The following SLC6A19 variants were observed in gnomAD, a reference collection of about 807,000 sequenced individuals.
SLC6A19 encodes sodium-dependent neutral amino acid transporter B(0)AT1.
Under a neutral mutation model 68.3 loss-of-function variants are expected in SLC6A19, and 67 were observed. The observed-to-expected ratio is 0.98, with a 90% confidence interval of 0.81 to 1.20. SLC6A19 has a LOEUF of 1.20. SLC6A19 is among the 50% of genes most tolerant of loss of function. The pLI is 0.00. For synonymous variants in SLC6A19, 392 were observed against 374.9 expected, an observed-to-expected ratio of 1.05 and a Z score of -0.53; for missense variants, 813 against 851.6, an observed-to-expected ratio of 0.95 and a Z score of 0.56.
chr5:1,201,682 T>G lies in SLC6A19; in HGVS notation c.32T>G (p.Leu11Arg). 6.2e-7 allele frequency: 1 copy of G among 1,609,716 alleles called. No individual in the cohort carries two copies. The highest frequency in any genetic ancestry group is 8.5e-7 in the Non-Finnish European group (1 of 1,179,730). ...AGGCTCGTGCTGCCCAACCCCGGCC[T>G]AGACGCCCGGATCCCGTCCCTGGCT... is the stretch of plus-strand genomic sequence containing the variant. MVRLVLPNPGLDARIPSLAEL... is the reference protein window; with the variant it reads MVRLVLPNPGRDARIPSLAEL... Residue 11 changes from leucine (L) to arginine (R), a missense_variant, in exon 1 of 12, where the codon CTA (leucine) becomes CGA (arginine). Transcript: ENST00000304460.
In SLC6A19 at chr5:1,212,196, T is replaced by C; in HGVS notation, c.482-107T>C. ...TGTGCACGTGTGGGCGTGTCACTGG[T>C]GTCAAGGCCTCTGGAACGTGGCTGG... On this transcript the variant is annotated intron_variant, in intron 3 of 11. Coordinates refer to ENST00000304460, the MANE Select transcript of SLC6A19 (RefSeq NM_001003841.3). This position sits in a 1 kb window ranked among gnomAD's most constrained non-coding sequence, Gnocchi z 5.1. The C allele has an allele frequency of 7.3e-7, 1 of 1,378,062 alleles. No homozygotes were observed. Among genetic ancestry groups the C allele is most frequent in the South Asian group, 1.2e-5 (1 of 84,692 alleles). 85.4% of individuals were successfully genotyped at this position (1,378,062 alleles called of 1,614,324 possible). A position where few individuals can be genotyped will look rare whatever the true frequency, so the allele number is the denominator to read the frequency against.
intron 1 of SLC6A19, among the ~76,000 whole-genome samples, chr5:1,202,716 C>T (rs566676301): frequency 1.4e-4 from 21 of 152,282 alleles, no homozygotes; most frequent in East Asian, 1.9e-4. Context: ...TCTCAGCCTC[C>T]GTTTAGAGGA....
intron 9 of SLC6A19, 35 bp downstream of exon 9, chr5:1,219,142 T>G: frequency 6.3e-7 from 1 of 1,579,278 alleles, no homozygotes; most frequent in Non-Finnish European, 8.6e-7. Flanking sequence ...CCCATGGCAA[T>G]GGTGCCACCT....
At position 1,221,711 on chromosome 5, in the gene SLC6A19, C is replaced by G; in HGVS notation, c.1712C>G (p.Pro571Arg). ...GGGCTCTCTCCCCAGGAGGAATTTC[C>G]CAAATCCCAGAAGATCTCCTACCCG... ...SIWDPGYEEF[P>R]KSQKISYPNW... is the part of the protein sequence containing the mutation. Residue 571 changes from proline to arginine, a missense_variant, in exon 12 of 12, where the codon CCC becomes CGC. By Grantham distance (103) the Pro-to-Arg change is moderately radical. Coordinates refer to ENST00000304460, the MANE Select transcript of SLC6A19 (RefSeq NM_001003841.3). The G allele has an allele frequency of 6.2e-7, 1 of 1,614,000 alleles. No homozygotes were observed. The highest frequency in any genetic ancestry group is 8.5e-7 in the Non-Finnish European group (1 of 1,179,894).
At position 1,216,800 on chromosome 5, in the gene SLC6A19, C is replaced by T. The variant is rs201511165; in HGVS notation, c.1028C>T (p.Thr343Ile). Residue 343 changes from threonine to isoleucine, a missense_variant, in exon 8 of 12, where the codon ACC (threonine) becomes ATC (isoleucine). Transcript: ENST00000304460. ...YDDCFSTNIL[T>I]LINGFDLPEG... The stretch of plus-strand genomic sequence containing the variant: ...AATCTGACCCGCAGGAACATCCTGA[C>T]CCTCATCAACGGGTTCGACCTGCCT... The T allele has an allele frequency of 1.3e-5, 21 of 1,613,790 alleles. No homozygotes were observed. The highest frequency in any genetic ancestry group is 1.8e-5 in the Non-Finnish European group (21 of 1,180,036).
At position 1,222,310 on chromosome 5, in the gene SLC6A19, T is replaced by C. The variant is rs1175148060; in HGVS notation, c.*406T>C. 6 of 537,310 alleles carry C rather than the reference T, an allele frequency of 1.1e-5. No individual in the cohort carries two copies. The highest frequency in any genetic ancestry group is 2.0e-5 in the Non-Finnish European group (6 of 306,170). The allele number at this position is 537,310 out of a possible 1,614,324, so 33.3% of individuals were successfully genotyped here. ...TATATAGACATACATGCCTATGTTG[T>C]GTGTGGTGTGCATATGTGTGAACAC... On this transcript the variant is annotated 3_prime_UTR_variant, in exon 12 of 12. Transcript: ENST00000304460.
rs1333568245 is a variant in SLC6A19, at chr5:1,222,599, GC to G, written c.*696del. On this transcript the variant is annotated 3_prime_UTR_variant, in exon 12 of 12. Coordinates refer to ENST00000304460, the MANE Select transcript of SLC6A19 (RefSeq NM_001003841.3). Reference sequence around the variant, plus strand: ...GTTTGTGTATATGTGTGTGATGTGTGCTCGTGTGTGTGCATATTCAGGCAGG... The same window carrying G: ...GTTTGTGTATATGTGTGTGATGTGTGTCGTGTGTGTGCATATTCAGGCAGG... 1 of 317,916 alleles carries G rather than the reference GC, an allele frequency of 3.1e-6. No homozygotes were observed. The highest frequency in any genetic ancestry group is 2.1e-5 in the African/African-American group (1 of 46,754). The allele number at this position is 317,916 out of a possible 1,614,324, so 19.7% of individuals were successfully genotyped here.
rs1279128655 is a variant in SLC6A19, at chr5:1,214,342, T to G, written c.887+277T>G. Among the ~76,000 whole-genome samples the G allele has an allele frequency of 4.6e-5, 7 of 152,116 alleles. No individual in the cohort carries two copies. Among genetic ancestry groups the G allele is most frequent in the Admixed American group, 3.3e-4 (5 of 15,284 alleles). On this transcript the variant is annotated intron_variant, in intron 6 of 11. Coordinates refer to ENST00000304460, the MANE Select transcript of SLC6A19 (RefSeq NM_001003841.3). This position sits in a 1 kb window ranked among gnomAD's most constrained non-coding sequence, Gnocchi z 7.4. ...ACGAGCCTGGTGCAGACCCCTCCTG[T>G]GCTCTCCCCAGTTCCCTGCTCCACA...
At chr5:1,216,064 GGGTCAGGGA>G (rs919993986) in intron 6 of SLC6A19, among the ~76,000 whole-genome samples, 2 of 152,184 alleles carry the variant, frequency 1.3e-5, no homozygotes, top group African/African-American at 4.8e-5. Context: ...TGGCTGGGTT[GGGTCAGGGA>G]GGTCAGGGCT....
chr5:1,217,545 G>A (rs897182723), intron 8 of SLC6A19, among the ~76,000 whole-genome samples: 13 of 152,232 alleles, frequency 8.5e-5, no homozygotes, highest in African/African-American at 2.4e-4. Context: ...AGGGCCCAGT[G>A]CTGCTTCTCC....
Position 1,209,019 on chromosome 5 carries a change from C to G in SLC6A19, c.343+133C>G. The G allele has an allele frequency of 8.1e-7, 1 of 1,240,498 alleles. No individual in the cohort carries two copies. The allele number at this position is 1,240,498 out of a possible 1,614,324, so 76.8% of individuals were successfully genotyped here. A position where few individuals can be genotyped will look rare whatever the true frequency, so the allele number is the denominator to read the frequency against. On this transcript the variant is annotated intron_variant, in intron 2 of 11. Coordinates refer to ENST00000304460, the MANE Select transcript of SLC6A19 (RefSeq NM_001003841.3). This position sits in a 1 kb window ranked among gnomAD's most constrained non-coding sequence, Gnocchi z 5.5. ...CCTTCCCTGTCTGTTTCTGGTGCAACAAAGGTCCCAGCTTCATCTCCTGGA... is the reference window on the plus strand; with the variant it reads ...CCTTCCCTGTCTGTTTCTGGTGCAAGAAAGGTCCCAGCTTCATCTCCTGGA...
Position 1,224,180 on chromosome 5 carries a change from G to A in SLC6A19, c.*2276G>A, listed in dbSNP as rs1746480050. On this transcript the variant is annotated 3_prime_UTR_variant, in exon 12 of 12. Transcript: ENST00000304460. ...CATTGGTGTACCCTGGCATGCACAG[G>A]TGTGCACTGATGTGCCCTGGCATCC... 1 of 152,280 alleles carries A rather than the reference G, an allele frequency of 6.6e-6. No individual in the cohort carries two copies. The highest frequency in any genetic ancestry group is 2.1e-4 in the South Asian group (1 of 4,834). The allele number at this position is 152,280 out of a possible 1,614,324, so 9.4% of individuals were successfully genotyped here.
In SLC6A19 at chr5:1,203,863, G is replaced by A. The variant is rs559799436; in HGVS notation, c.202+2011G>A. On this transcript the variant is annotated intron_variant, in intron 1 of 11. Transcript: ENST00000304460. The stretch of plus-strand genomic sequence containing the variant: ...CACCGGGTTTCCCAGCAGGGCACCC[G>A]TCTCCTGGTGAATCCAATCTGGGCC... Among the ~76,000 whole-genome samples the A allele has an allele frequency of 9.2e-5, 14 of 152,290 alleles. No individual in the cohort carries two copies. The South Asian group carries it at 1.2e-3, about 14-fold the overall frequency.
chr5:1,221,165 T>C lies in SLC6A19; in HGVS notation c.1553T>C (p.Ile518Thr), dbSNP rs1238368821. Residue 518 changes from isoleucine to threonine, a missense_variant, in exon 11 of 12, where the codon ATC becomes ACC. Transcript: ENST00000304460. Reference sequence around the variant, plus strand: ...GGCCTTGGCAGGTTCAATAAGGACATCGAGTTCATGATCGGCCACAAGCCC... The same window carrying C: ...GGCCTTGGCAGGTTCAATAAGGACACCGAGTTCATGATCGGCCACAAGCCC... Reference protein sequence around the residue: ...VYGVDRFNKDIEFMIGHKPNI... With the variant: ...VYGVDRFNKDTEFMIGHKPNI... 1 of 1,613,648 alleles carries C rather than the reference T, an allele frequency of 6.2e-7. No homozygotes were observed. Among genetic ancestry groups the C allele is most frequent in the Non-Finnish European group, 8.5e-7 (1 of 1,179,916 alleles).
At chr5:1,207,287 G>T (rs964170276) in intron 1 of SLC6A19, among the ~76,000 whole-genome samples, 1 of 152,162 alleles carries the variant, frequency 6.6e-6, no homozygotes, top group African/African-American at 2.4e-5. Context: ...TGATGCCCAG[G>T]AGTGGCTGCA....
At chr5:1,205,770 A>G (rs192127316) in intron 1 of SLC6A19, among the ~76,000 whole-genome samples, 100 of 152,304 alleles carry the variant, frequency 6.6e-4, no homozygotes, top group Middle Eastern at 3.4e-3. Context: ...TGGGAAAAAA[A>G]AATTGGAGGA....
Position 1,213,448 on chromosome 5 carries a change from TC to T in SLC6A19, c.664-12del. The stretch of plus-strand genomic sequence containing the variant: ...CCCAACTTCCCGCCCATCCCACATG[TC>T]CCGCCCTCCGCAGGCCGTGTACATC... On this transcript the variant is annotated splice_polypyrimidine_tract_variant and intron_variant, in intron 4 of 11. Coordinates refer to ENST00000304460, the MANE Select transcript of SLC6A19 (RefSeq NM_001003841.3). 1 of 1,332,804 alleles carries T rather than the reference TC, an allele frequency of 7.5e-7. No homozygotes were observed. Among genetic ancestry groups the T allele is most frequent in the Non-Finnish European group, 9.8e-7 (1 of 1,016,210 alleles). The allele number at this position is 1,332,804 out of a possible 1,614,324, so 82.6% of individuals were successfully genotyped here.
intron 1 of SLC6A19, among the ~76,000 whole-genome samples, chr5:1,206,142 C>T (rs993213317): frequency 6.6e-6 from 1 of 152,210 alleles, no homozygotes; most frequent in East Asian, 1.9e-4. Context: ...AGAAAAGGCT[C>T]CGTGTTAAAC....
Position 1,208,832 on chromosome 5 carries a change from C to A in SLC6A19, c.289C>A (p.Arg97=), listed in dbSNP as rs747155573. The A allele has an allele frequency of 3.7e-6, 6 of 1,612,894 alleles. No individual in the cohort carries two copies. Among genetic ancestry groups the A allele is most frequent in the East Asian group, 2.2e-5 (1 of 44,862 alleles). ...YLEFAIGQRL[R]RGSLGVWSSI... ...GGAGTTCGCCATCGGGCAGCGGCTG[C>A]GGCGGGGCAGCCTGGGTGTGTGGAG... The change falls in exon 2 of 12, where the codon CGG becomes AGG. Residue 97 remains arginine, a synonymous_variant. Coordinates refer to ENST00000304460, the MANE Select transcript of SLC6A19 (RefSeq NM_001003841.3).
Sources: allele counts gnomAD v4.1 joint callset (sites outside exome capture counted in the v4.1 genomes callset), GRCh38; gene constraint gnomAD v4.1.1; non-coding constraint Gnocchi (gnomAD v3.1); transcripts MANE v1.5; gene names NCBI Gene and HGNC (gene_info 2026-07-23, HGNC 2026-07-21).